Variants in GLDN observed in about 807,000 individuals in gnomAD.
GLDN encodes gliomedin.
Under a neutral mutation model 56.5 loss-of-function variants are expected in GLDN, and 47 were observed. The ratio of observed to expected loss-of-function variants is 0.83; its 90% CI spans 0.66 to 1.06. GLDN has a LOEUF of 1.06. GLDN is among the 50% of genes least tolerant of loss of function. The probability of loss-of-function intolerance (pLI) is 0.00; values close to 1 mark genes in which losing one functional copy is unlikely to be tolerated. For synonymous variants in GLDN, 332 were observed against 278.8 expected (o/e 1.19, Z -1.90); for missense variants, 782 against 714.3 (o/e 1.09, Z -1.08).
downstream of GLDN, among the ~76,000 whole-genome samples, chr15:51,409,444 C>A (rs1189323542): frequency 6.6e-6 from 1 of 152,180 alleles, no homozygotes; most frequent in African/African-American, 2.4e-5. Context: ...TCTATCTATT[C>A]ACTGTAAAGG....
chr15:51,391,625 G>C (rs2038022330), intron 4 of GLDN, among the ~76,000 whole-genome samples: 1 of 152,234 alleles, frequency 6.6e-6, no homozygotes, highest in Non-Finnish European at 1.5e-5. Context: ...CTTCTCAAGT[G>C]AGTGAACCAC....
chr15:51,382,280 T>C (rs370951871), intron 2 of GLDN, among the ~76,000 whole-genome samples: 1 of 152,140 alleles, frequency 6.6e-6, no homozygotes, highest in East Asian at 1.9e-4. Flanking sequence ...ACTGTAGCTC[T>C]CTCATACTGC....
At chr15:51,343,523 C>T (rs978981954) in intron 1 of GLDN, among the ~76,000 whole-genome samples, 3 of 152,184 alleles carry the variant, frequency 2.0e-5, no homozygotes, top group Admixed American at 6.5e-5. Flanking sequence ...CAACCTATTC[C>T]GTCACTAACA....
intron 1 of GLDN, among the ~76,000 whole-genome samples, chr15:51,377,084 T>C (rs927747219): frequency 6.6e-6 from 1 of 152,226 alleles, no homozygotes; most frequent in Non-Finnish European, 1.5e-5. Context: ...AGTCATTTAT[T>C]ATCAATTATT....
At position 51,404,452 on chromosome 15, in the gene GLDN, C is replaced by G. The variant is rs1308869818; in HGVS notation, c.1354C>G (p.Leu452Val). The change falls in exon 10 of 10, where the codon CTG becomes GTG. Residue 452 changes from leucine to valine, a missense_variant. Coordinates refer to ENST00000335449, the MANE Select transcript of GLDN (RefSeq NM_181789.4). ...VDGSSILVAQ[L>V]DERTFSVVQH... Reference sequence around the variant, plus strand: ...CGGCTCGAGCATTCTTGTAGCACAACTGGATGAGAGGACATTCTCAGTGGT... The same window carrying G: ...CGGCTCGAGCATTCTTGTAGCACAAGTGGATGAGAGGACATTCTCAGTGGT... 2 of 1,614,032 alleles carry G rather than the reference C, an allele frequency of 1.2e-6. No individual in the cohort carries two copies. Among genetic ancestry groups the G allele is most frequent in the Non-Finnish European group, 1.7e-6 (2 of 1,180,042 alleles).
chr15:51,355,681 A>G (rs563237961), intron 1 of GLDN, among the ~76,000 whole-genome samples: 87 of 148,368 alleles, frequency 5.9e-4, no homozygotes, highest in South Asian at 3.9e-3. Context: ...GCACCAACAC[A>G]CCCGGCTAAT....
intron 1 of GLDN, among the ~76,000 whole-genome samples, chr15:51,361,968 G>T (rs1441774641): frequency 6.6e-6 from 1 of 152,106 alleles, no homozygotes; most frequent in Non-Finnish European, 1.5e-5. Flanking sequence ...AGGAGGATTA[G>T]GGAGGGGTAA....
chr15:51,365,386 A>T (rs942916851), intron 1 of GLDN, among the ~76,000 whole-genome samples: 6 of 152,110 alleles, frequency 3.9e-5, no homozygotes, highest in Non-Finnish European at 7.3e-5. Flanking sequence ...ACACGTTTCC[A>T]TATTTTTCCT....
At chr15:51,361,875 G>A (rs891577076) in intron 1 of GLDN, among the ~76,000 whole-genome samples, 2 of 152,170 alleles carry the variant, frequency 1.3e-5, no homozygotes, top group Non-Finnish European at 1.5e-5. Flanking sequence ...AGGTTGCAGT[G>A]AGCCAAGATC....
chr15:51,380,245 C>T (rs185152344), intron 2 of GLDN, among the ~76,000 whole-genome samples: 4 of 152,292 alleles, frequency 2.6e-5, no homozygotes, highest in East Asian at 1.9e-4. Context: ...TTCTAGACGG[C>T]GACTGCAGAG....
At chr15:51,370,973 C>A (rs2037504529) in intron 1 of GLDN, among the ~76,000 whole-genome samples, 1 of 151,706 alleles carries the variant, frequency 6.6e-6, no homozygotes, top group Non-Finnish European at 1.5e-5. Context: ...CCAGCATGGG[C>A]AACAGAGTGA....
chr15:51,392,249 C>A (rs941229544), intron 4 of GLDN, among the ~76,000 whole-genome samples: 1 of 152,206 alleles, frequency 6.6e-6, no homozygotes, highest in Non-Finnish European at 1.5e-5. Context: ...CTGGGCCGTA[C>A]AGCAGGAGGT....
At chr15:51,361,068 G>A (rs74016729) in intron 1 of GLDN, among the ~76,000 whole-genome samples, 3,095 of 152,292 alleles carry the variant, frequency 0.02, 100 homozygotes, top group African/African-American at 0.071. Flanking sequence ...GTTTTTGAAG[G>A]GAACAATGTG....
chr15:51,377,524 C>T (rs751263648), intron 2 of GLDN, 24 bp downstream of exon 2: 157 of 1,606,208 alleles, frequency 9.8e-5, no homozygotes, highest in Middle Eastern at 1.7e-4. Context: ...TGAGCAGAGC[C>T]GCTCACACAA....
At chr15:51,358,161 A>C (rs2037222954) in intron 1 of GLDN, among the ~76,000 whole-genome samples, 1 of 152,220 alleles carries the variant, frequency 6.6e-6, no homozygotes, top group Non-Finnish European at 1.5e-5. Flanking sequence ...GGCCGAAAAC[A>C]ATATAATAGA....
intron 4 of GLDN, among the ~76,000 whole-genome samples, chr15:51,393,532 A>G (rs933501880): frequency 2.6e-5 from 4 of 152,200 alleles, no homozygotes; most frequent in African/African-American, 9.7e-5. Context: ...GAATTCCCTC[A>G]TGTGTAGAAG....
intron 6 of GLDN, among the ~76,000 whole-genome samples, chr15:51,399,385 C>G (rs1198020527): frequency 6.6e-6 from 1 of 152,214 alleles, no homozygotes; most frequent in Non-Finnish European, 1.5e-5. Flanking sequence ...CAGTCCATGT[C>G]CTGTCCTCTT....
At chr15:51,392,340 A>G (rs1050183232) in intron 4 of GLDN, among the ~76,000 whole-genome samples, 4 of 152,154 alleles carry the variant, frequency 2.6e-5, no homozygotes, top group African/African-American at 9.7e-5. Context: ...AGCTCCCTTC[A>G]GATCAGCAGC....
At chr15:51,391,956 T>TA (rs1209366207) in intron 4 of GLDN, among the ~76,000 whole-genome samples, 1 of 152,218 alleles carries the variant, frequency 6.6e-6, no homozygotes, top group Non-Finnish European at 1.5e-5. Flanking sequence ...GGTTTTTTTT[T>TA]ATTGGTTGGT....
Sources: allele counts gnomAD v4.1 joint callset (sites outside exome capture counted in the v4.1 genomes callset), GRCh38; gene constraint gnomAD v4.1.1; transcripts MANE v1.5; gene names NCBI Gene and HGNC (gene_info 2026-07-23, HGNC 2026-07-21).